Variants in CHRM3 observed in about 807,000 individuals in gnomAD.
CHRM3 encodes muscarinic acetylcholine receptor M3.
Under a neutral mutation model 41.8 loss-of-function variants are expected in CHRM3, and 11 were observed. That is an observed-to-expected ratio of 0.26 (90% confidence interval 0.17 to 0.44). The LOEUF is 0.44. CHRM3 is among the 20% of genes least tolerant of loss of function. The pLI is 1.00. For synonymous variants in CHRM3, 297 were observed against 301.4 expected (o/e 0.99, Z 0.15); for missense variants, 571 against 745.4 (o/e 0.77, Z 2.72).
At chr1:239,591,755 C>T (rs946232733) in intron 3 of CHRM3, among the ~76,000 whole-genome samples, 9 of 152,154 alleles carry the variant, frequency 5.9e-5, no homozygotes, top group Non-Finnish European at 7.3e-5. Flanking sequence ...TGTCTGAGAA[C>T]GCAGTACAGT....
intron 5 of CHRM3, among the ~76,000 whole-genome samples, chr1:239,783,219 A>G (rs1200889163): frequency 6.6e-6 from 1 of 151,766 alleles, no homozygotes; most frequent in East Asian, 1.9e-4. Context: ...TATTGGATTC[A>G]CCTGTTTCTT....
At chr1:239,449,733 GGTGTGTGT>G (rs149312544) in intron 1 of CHRM3, among the ~76,000 whole-genome samples, 29 of 143,638 alleles carry the variant, frequency 2.0e-4, no homozygotes, top group Non-Finnish European at 4.1e-4. Flanking sequence ...GTCACATTCT[GGTGTGTGT>G]GTGTGTGTGT....
chr1:239,864,544 A>G (rs111317528), intron 6 of CHRM3, among the ~76,000 whole-genome samples: 72 of 150,604 alleles, frequency 4.8e-4, no homozygotes, highest in African/African-American at 1.6e-3. Flanking sequence ...ACACACACAC[A>G]CGCACACACA....
chr1:239,771,388 T>C (rs1018692494), intron 5 of CHRM3, among the ~76,000 whole-genome samples: 1 of 152,042 alleles, frequency 6.6e-6, no homozygotes, highest in Non-Finnish European at 1.5e-5. Context: ...CAGACTCCTC[T>C]CCACACTGCC....
intron 1 of CHRM3, among the ~76,000 whole-genome samples, chr1:239,418,059 T>C (rs554051751): frequency 6.6e-6 from 1 of 152,196 alleles, no homozygotes; most frequent in Non-Finnish European, 1.5e-5. Context: ...CTAAAATGTA[T>C]ATACATTTAG....
At chr1:239,766,803 G>A (rs757287915) in intron 5 of CHRM3, among the ~76,000 whole-genome samples, 6 of 152,064 alleles carry the variant, frequency 3.9e-5, no homozygotes, top group Non-Finnish European at 7.4e-5. Context: ...CCTTCATCTC[G>A]TGGGTTCTAA....
At chr1:239,716,669 C>T (rs1045080238) in intron 5 of CHRM3, among the ~76,000 whole-genome samples, 9 of 151,296 alleles carry the variant, frequency 5.9e-5, no homozygotes, top group African/African-American at 2.2e-4. Flanking sequence ...GGAAAGCTAA[C>T]CAGTGGGTCC....
chr1:239,751,880 ATAT>A lies in CHRM3; in HGVS notation c.-147+73595_-147+73597del, dbSNP rs1215718407. Among the ~76,000 whole-genome samples the A allele has an allele frequency of 2.6e-5, 4 of 152,322 alleles. No individual in the cohort carries two copies. The East Asian group carries it at 7.7e-4, about 29-fold the overall frequency. On this transcript the variant is annotated intron_variant, in intron 5 of 6. Transcript: ENST00000676153. ...CATTTAAAAAATAGAAACTATAATA[ATAT>A]TAACATTATTTTAAAGGCATGTGAG... is the stretch of plus-strand genomic sequence containing the variant.
chr1:239,911,681 A>G lies in CHRM3; in HGVS notation c.*2457A>G, dbSNP rs6682184. 0.51 allele frequency: 84,728 copies of G among 166,878 alleles called. 24,001 individuals carry two copies. The highest frequency in any genetic ancestry group is 0.79 in the African/African-American group (32,815 of 41,498). 10.3% of individuals were successfully genotyped at this position (166,878 alleles called of 1,614,324 possible). A position where few individuals can be genotyped will look rare whatever the true frequency, so the allele number is the denominator to read the frequency against. On this transcript the variant is annotated 3_prime_UTR_variant, in exon 7 of 7. Coordinates refer to ENST00000676153, the MANE Select transcript of CHRM3 (RefSeq NM_001375978.1). ...CTTGTCCTTTTGTGATGCTAATAAT[A>G]GCAGAAAAGGAACAAATCCAAGACT...
At chr1:239,714,692 A>G (rs1453718552) in intron 5 of CHRM3, among the ~76,000 whole-genome samples, 2 of 152,162 alleles carry the variant, frequency 1.3e-5, no homozygotes, top group Non-Finnish European at 2.9e-5. Context: ...GGGGTGATAC[A>G]ATCAGAATTG....
At chr1:239,817,341 G>A (rs1671676071) in intron 5 of CHRM3, among the ~76,000 whole-genome samples, 2 of 152,070 alleles carry the variant, frequency 1.3e-5, no homozygotes, top group South Asian at 4.1e-4. Context: ...ATGTAACCTT[G>A]ACTCATTTGC....
At chr1:239,620,728 A>T in intron 3 of CHRM3, among the ~76,000 whole-genome samples, 1 of 152,126 alleles carries the variant, frequency 6.6e-6, no homozygotes, top group East Asian at 1.9e-4. Flanking sequence ...TTATAATAAG[A>T]AAAAGGAAGC....
intron 6 of CHRM3, among the ~76,000 whole-genome samples, chr1:239,855,983 C>T (rs564649244): frequency 7.2e-5 from 11 of 152,146 alleles, no homozygotes; most frequent in Admixed American, 5.2e-4. Context: ...CAGGAGGGAT[C>T]GTTCCAGGTG....
At chr1:239,695,220 CA>C (rs1660075162) in intron 5 of CHRM3, among the ~76,000 whole-genome samples, 1 of 152,098 alleles carries the variant, frequency 6.6e-6, no homozygotes, top group Admixed American at 6.5e-5. Flanking sequence ...CCATGTTGGC[CA>C]GGATGGTGTC....
chr1:239,859,410 G>GT (rs1204203323), intron 6 of CHRM3, among the ~76,000 whole-genome samples: 1 of 113,356 alleles, frequency 8.8e-6, no homozygotes, highest in Non-Finnish European at 1.8e-5. Context: ...TTTTGTTGTT[G>GT]TTGTTGTTGT....
intron 3 of CHRM3, among the ~76,000 whole-genome samples, chr1:239,583,021 G>A (rs1663046185): frequency 6.6e-6 from 1 of 152,148 alleles, no homozygotes; most frequent in Admixed American, 6.5e-5. Context: ...ACTCATACCT[G>A]TGCCTTCAAT....
At chr1:239,691,679 T>G (rs1659735124) in intron 5 of CHRM3, among the ~76,000 whole-genome samples, 1 of 152,198 alleles carries the variant, frequency 6.6e-6, no homozygotes, top group Non-Finnish European at 1.5e-5. Context: ...ACTCATAAAT[T>G]TAAATGAACT....
chr1:239,886,449 C>T (rs1041295530), intron 6 of CHRM3: 2 of 152,168 alleles, frequency 1.3e-5, no homozygotes, highest in South Asian at 4.1e-4. Context: ...TCAGGGCCAG[C>T]TCTTCTGTCT....
chr1:239,568,033 C>T (rs1408934401), intron 3 of CHRM3, among the ~76,000 whole-genome samples: 2 of 152,144 alleles, frequency 1.3e-5, no homozygotes, highest in Non-Finnish European at 2.9e-5. Context: ...ACTTCAGAGC[C>T]TGTTTCCACC....
Sources: allele counts gnomAD v4.1 joint callset (sites outside exome capture counted in the v4.1 genomes callset), GRCh38; gene constraint gnomAD v4.1.1; transcripts MANE v1.5; gene names NCBI Gene and HGNC (gene_info 2026-07-23, HGNC 2026-07-21).